GHR: variants seen among roughly 807,000 people sequenced by gnomAD.
GHR encodes the protein growth hormone receptor.
A neutral mutation model predicts 67.1 loss-of-function variants in GHR; 35 were observed. The ratio of observed to expected loss-of-function variants is 0.52; its 90% CI spans 0.40 to 0.69. The LOEUF is 0.69. Among genes scored for constraint, GHR ranks in the 30% least tolerant of loss-of-function variants. The pLI is 0.00. For missense variants in GHR, 792 were observed against 764.6 expected, an observed-to-expected ratio of 1.04 and a Z score of -0.42; for synonymous variants, 272 against 269.1, an observed-to-expected ratio of 1.01 and a Z score of -0.10.
rs115608761 is a variant in GHR, at chr5:42,445,174, A to T, written c.-12+21219A>T. Among the ~76,000 whole-genome samples the T allele has an allele frequency of 2.1e-3, 321 of 152,350 alleles. 1 individual carries two copies. Among genetic ancestry groups the T allele is most frequent in the Middle Eastern group, 0.01 (3 of 294 alleles). On this transcript the variant is annotated intron_variant, in intron 1 of 9. Transcript: ENST00000230882. ...TACCTAGCCATGTGCTGGACAGTGGACCCACAGTGGACATTCAGTAATTAG... is the reference window on the plus strand; with the variant it reads ...TACCTAGCCATGTGCTGGACAGTGGTCCCACAGTGGACATTCAGTAATTAG...
At chr5:42,617,122 T>C (rs754490174) in intron 2 of GHR, among the ~76,000 whole-genome samples, 67 of 151,994 alleles carry the variant, frequency 4.4e-4, no homozygotes, top group Non-Finnish European at 4.9e-4. Flanking sequence ...TTTTTAATTC[T>C]TTTTTGGTGG....
rs1449317605 is a variant in GHR, at chr5:42,681,031, C to T, written c.137-7859C>T. Among the ~76,000 whole-genome samples, 3 of 151,918 alleles carry T rather than the reference C, an allele frequency of 2.0e-5. No homozygotes were observed. The South Asian group carries it at 6.2e-4, about 32-fold the overall frequency. ...CCCTAGAAGAAAACCTAGGCAATAC[C>T]ATTCAGGAAATAGGCATGGGCAAAG... On this transcript the variant is annotated intron_variant, in intron 3 of 9. Coordinates refer to ENST00000230882, the MANE Select transcript of GHR (RefSeq NM_000163.5).
At chr5:42,665,495 A>G (rs1755911327) in intron 3 of GHR, among the ~76,000 whole-genome samples, 1 of 152,050 alleles carries the variant, frequency 6.6e-6, no homozygotes, top group East Asian at 1.9e-4. Context: ...CTATCGCAAG[A>G]ACAAAAAACC....
chr5:42,477,764 T>C (rs1379173377), intron 1 of GHR, among the ~76,000 whole-genome samples: 1 of 152,244 alleles, frequency 6.6e-6, no homozygotes, highest in African/African-American at 2.4e-5. Context: ...TTTGAGTTCA[T>C]TGTAGATTCT....
chr5:42,643,239 G>A (rs567835046), intron 3 of GHR, among the ~76,000 whole-genome samples: 68 of 152,262 alleles, frequency 4.5e-4, no homozygotes, highest in African/African-American at 1.5e-3. Flanking sequence ...GAAATGCTAG[G>A]AGATGCAAAG....
At chr5:42,616,346 A>G (rs992128397) in intron 2 of GHR, among the ~76,000 whole-genome samples, 15 of 152,214 alleles carry the variant, frequency 9.9e-5, no homozygotes, top group African/African-American at 3.6e-4. Context: ...TGGAACTGAA[A>G]GAACTTGTTG....
chr5:42,648,370 C>T (rs900769419), intron 3 of GHR, among the ~76,000 whole-genome samples: 1 of 152,102 alleles, frequency 6.6e-6, no homozygotes, highest in Admixed American at 6.5e-5. Flanking sequence ...GGGTTATTTT[C>T]TAGGGTGAGG....
intron 1 of GHR, among the ~76,000 whole-genome samples, chr5:42,482,787 T>C (rs982729680): frequency 6.6e-6 from 1 of 152,134 alleles, no homozygotes. Context: ...TGTCACCCCT[T>C]TCTTTGACTA....
intron 3 of GHR, among the ~76,000 whole-genome samples, chr5:42,636,786 A>G (rs911566930): frequency 1.3e-5 from 2 of 152,238 alleles, no homozygotes; most frequent in African/African-American, 4.8e-5. Context: ...TATGGCTTTG[A>G]CAAAGCGTTC....
At chr5:42,581,424 C>A (rs1751163777) in intron 2 of GHR, among the ~76,000 whole-genome samples, 1 of 152,172 alleles carries the variant, frequency 6.6e-6, no homozygotes, top group African/African-American at 2.4e-5. Flanking sequence ...GTTACCTCTG[C>A]CCTTTCTTTC....
intron 2 of GHR, among the ~76,000 whole-genome samples, chr5:42,574,199 T>C (rs1282310415): frequency 6.6e-6 from 1 of 152,214 alleles, no homozygotes; most frequent in African/African-American, 2.4e-5. Flanking sequence ...AGCAGAGGAA[T>C]AGGGAAACAG....
At chr5:42,588,844 A>G (rs1483262603) in intron 2 of GHR, among the ~76,000 whole-genome samples, 2 of 152,142 alleles carry the variant, frequency 1.3e-5, no homozygotes, top group Non-Finnish European at 2.9e-5. Context: ...GCTTTTCAGG[A>G]TTCTGTAATT....
chr5:42,633,392 G>A (rs1754022014), intron 3 of GHR, among the ~76,000 whole-genome samples: 1 of 152,156 alleles, frequency 6.6e-6, no homozygotes, highest in Non-Finnish European at 1.5e-5. Context: ...AGATAGGCAA[G>A]CAAATGAATT....
intron 1 of GHR, among the ~76,000 whole-genome samples, chr5:42,560,775 G>A (rs1749562072): frequency 6.6e-6 from 1 of 152,096 alleles, no homozygotes; most frequent in African/African-American, 2.4e-5. Context: ...CCCAAATCCT[G>A]ATTTCTTTCA....
In GHR at chr5:42,532,037, G is replaced by T. The variant is rs114696612; in HGVS notation, c.-11-33827G>T. 3.2e-3 allele frequency among the ~76,000 whole-genome samples: 484 copies of T among 150,582 alleles called. 2 individuals carry two copies. Among genetic ancestry groups the T allele is most frequent in the African/African-American group, 0.012 (479 of 40,920 alleles). The stretch of plus-strand genomic sequence containing the variant: ...CTGACCCACATCTCTGGGAATACTT[G>T]TGACAAGATCCAGCCTGACAATATC... On this transcript the variant is annotated intron_variant, in intron 1 of 9. Coordinates refer to ENST00000230882, the MANE Select transcript of GHR (RefSeq NM_000163.5).
chr5:42,719,109 C>T lies in GHR; in HGVS notation c.1602C>T (p.Tyr534=). 6.2e-7 allele frequency: 1 copy of T among 1,613,668 alleles called. No individual in the cohort carries two copies. The highest frequency in any genetic ancestry group is 1.7e-5 in the Admixed American group (1 of 60,016). The change falls in exon 10 of 10, where the codon TAC becomes TAT. Residue 534 remains tyrosine, a synonymous_variant. Transcript: ENST00000230882. ...AAAACTTCCTTATGGACAATGCCTA[C>T]TTCTGTGAGGCAGATGCCAAAAAGT... The part of the protein sequence containing the change: ...CQENFLMDNA[Y]FCEADAKKCI...
chr5:42,695,107 G>T lies in GHR; in HGVS notation c.439+18G>T. On this transcript the variant is annotated intron_variant, in intron 5 of 9. Transcript: ENST00000230882. ...TGAAATAGGTAAATCACAGGTTTTTGTTTCATTTGACATAGTTTTAGACTA... is the reference window on the plus strand; with the variant it reads ...TGAAATAGGTAAATCACAGGTTTTTTTTTCATTTGACATAGTTTTAGACTA... The T allele has an allele frequency of 6.4e-7, 1 of 1,571,880 alleles. No individual in the cohort carries two copies. Among genetic ancestry groups the T allele is most frequent in the Non-Finnish European group, 8.8e-7 (1 of 1,141,638 alleles).
At chr5:42,666,821 C>T (rs922537250) in intron 3 of GHR, among the ~76,000 whole-genome samples, 2 of 152,166 alleles carry the variant, frequency 1.3e-5, no homozygotes, top group African/African-American at 4.8e-5. Context: ...AGTTGTGTCT[C>T]TCTAAATCGC....
intron 3 of GHR, 37 bp from the exon 4 acceptor site, chr5:42,688,853 C>T (rs1036448335): frequency 6.2e-7 from 1 of 1,606,222 alleles, no homozygotes; most frequent in South Asian, 1.1e-5. Flanking sequence ...TATGACTCAC[C>T]TGATTTCATG....
Sources: allele counts gnomAD v4.1 joint callset (sites outside exome capture counted in the v4.1 genomes callset), GRCh38; gene constraint gnomAD v4.1.1; transcripts MANE v1.5; gene names NCBI Gene and HGNC (gene_info 2026-07-23, HGNC 2026-07-21).